Variants in CHRNB4 observed in about 807,000 individuals in gnomAD.
CHRNB4 encodes the protein neuronal acetylcholine receptor subunit beta-4.
Under a neutral mutation model 40.4 loss-of-function variants are expected in CHRNB4, and 23 were observed. That is an observed-to-expected ratio of 0.57 (90% CI 0.41 to 0.81). CHRNB4 has a LOEUF of 0.81. Among genes scored for constraint, CHRNB4 ranks in the 30% least tolerant of loss-of-function variants. CHRNB4 has a pLI of 0.00. For synonymous variants in CHRNB4, 285 were observed against 274.4 expected, an observed-to-expected ratio of 1.04 and a Z score of -0.38; for missense variants, 568 against 670.6, an observed-to-expected ratio of 0.85 and a Z score of 1.69.
chr15:78,630,795 A>G, intron 4 of CHRNB4: 1 of 408,630 alleles, frequency 2.4e-6, no homozygotes, highest in East Asian at 4.6e-5. Context: ...AGTATGGAAC[A>G]CAGAAAGGGT....
chr15:78,643,349 A>G (rs1422732952), upstream of CHRNB4, among the ~76,000 whole-genome samples: 2 of 151,756 alleles, frequency 1.3e-5, no homozygotes, highest in Non-Finnish European at 2.9e-5. Context: ...TCCCAGGCCC[A>G]AGCGATCTTC....
At chr15:78,660,402 C>T (rs567980973) in intron 1 of CHRNB4, 4 of 152,292 alleles carry the variant, frequency 2.6e-5, no homozygotes, top group Admixed American at 6.5e-5. Context: ...GCCAAAAACC[C>T]TCCTGGGCTA....
At chr15:78,637,029 A>T (rs2053965357) in intron 1 of CHRNB4, among the ~76,000 whole-genome samples, 1 of 152,186 alleles carries the variant, frequency 6.6e-6, no homozygotes, top group African/African-American at 2.4e-5. Context: ...GTTCAGACTT[A>T]GACCTACAGA....
intron 1 of CHRNB4, among the ~76,000 whole-genome samples, chr15:78,640,099 A>C (rs1009697895): frequency 7.2e-5 from 11 of 152,174 alleles, no homozygotes; most frequent in African/African-American, 2.6e-4. Context: ...CTGGACACAC[A>C]CTCACAGTTT....
At chr15:78,639,156 T>A (rs1346435741) in intron 1 of CHRNB4, among the ~76,000 whole-genome samples, 2 of 152,232 alleles carry the variant, frequency 1.3e-5, no homozygotes, top group Non-Finnish European at 2.9e-5. Flanking sequence ...TGTTTTGGAA[T>A]ACAAACTACA....
At chr15:78,647,919 C>T (rs562781256) in intron 7 of CHRNB4, among the ~76,000 whole-genome samples, 12 of 143,520 alleles carry the variant, frequency 8.4e-5, no homozygotes, top group Admixed American at 1.4e-4. Flanking sequence ...AAAAACCTTA[C>T]GATAAATCTA....
At chr15:78,649,552 A>AT in intron 6 of CHRNB4, 1 of 321,606 alleles carries the variant, frequency 3.1e-6, no homozygotes, top group South Asian at 2.5e-5. Flanking sequence ...AGCCTAAAAT[A>AT]TCTGCTATAT....
intron 7 of CHRNB4, among the ~76,000 whole-genome samples, chr15:78,647,283 A>G (rs1455197211): frequency 6.6e-6 from 1 of 152,154 alleles, no homozygotes; most frequent in African/African-American, 2.4e-5. Flanking sequence ...TTTGCAATTC[A>G]TATAATCAAA....
At chr15:78,645,401 C>G (rs375268885), upstream of CHRNB4, among the ~76,000 whole-genome samples, 11 of 152,150 alleles carry the variant, frequency 7.2e-5, no homozygotes, top group East Asian at 5.8e-4. Flanking sequence ...TTCTAGGGAC[C>G]TCTGAGTATA....
At chr15:78,633,501 AG>A (rs2053879051) in intron 2 of CHRNB4, among the ~76,000 whole-genome samples, 2 of 152,170 alleles carry the variant, frequency 1.3e-5, no homozygotes, top group Non-Finnish European at 2.9e-5. Context: ...GTGGGAAGGG[AG>A]GAGGGAGAAG....
upstream of CHRNB4, chr15:78,660,778 G>C (rs2054245830): frequency 4.4e-6 from 1 of 227,368 alleles, no homozygotes; most frequent in Admixed American, 5.2e-5. Context: ...CCTGGGCCCA[G>C]GCCCTACTCC....
chr15:78,629,021 T>C lies in CHRNB4; in HGVS notation c.1284A>G (p.Leu428=), dbSNP rs751167863. 2.5e-6 allele frequency: 4 copies of C among 1,613,968 alleles called. No homozygotes were observed. In the Admixed American group the frequency reaches 5.0e-5, roughly 20 times the overall value. ...GCTGGGCGATGAAGCTGACACCTTC[T>C]AATGCCTCCTGCACATCCTGTCGGA... The part of the protein sequence containing the change: ...GRFRQDVQEA[L]EGVSFIAQHM... The change falls in exon 5 of 6, where the codon TTA becomes TTG. Residue 428 remains leucine, a synonymous_variant. Transcript: ENST00000261751. This position sits in a 1 kb window ranked among gnomAD's most constrained non-coding sequence, Gnocchi z 6.8.
intron 6 of CHRNB4, among the ~76,000 whole-genome samples, chr15:78,650,270 G>A (rs893479510): frequency 6.6e-6 from 1 of 152,212 alleles, no homozygotes; most frequent in African/African-American, 2.4e-5. Context: ...AGGCTGCAGT[G>A]GTGCTGGCCA....
intron 5 of CHRNB4, chr15:78,625,899 A>G (rs951943978): frequency 6.6e-6 from 1 of 151,996 alleles, no homozygotes; most frequent in Admixed American, 6.6e-5. Flanking sequence ...GTTGGCAGAG[A>G]CCTGGCTGGC....
At chr15:78,637,498 G>T (rs1174697246) in intron 1 of CHRNB4, among the ~76,000 whole-genome samples, 1 of 152,086 alleles carries the variant, frequency 6.6e-6, no homozygotes, top group African/African-American at 2.4e-5. Flanking sequence ...GGGCCGGAGA[G>T]GTGGGGGCGG....
chr15:78,625,301 G>A lies in CHRNB4; in HGVS notation c.1339-10C>T, dbSNP rs376227572. On this transcript the variant is annotated splice_polypyrimidine_tract_variant and intron_variant, in intron 5 of 5. Coordinates refer to ENST00000261751, the MANE Select transcript of CHRNB4 (RefSeq NM_000750.5). Reference sequence around the variant, plus strand: ...TCCAGTCCTCAACGACCTGCAGGCAGACAGAGGAGTTGGTCACAGGTGCCA... The same window carrying A: ...TCCAGTCCTCAACGACCTGCAGGCAAACAGAGGAGTTGGTCACAGGTGCCA... 5.2e-6 allele frequency: 8 copies of A among 1,528,216 alleles called. No homozygotes were observed. The African/African-American group carries it at 8.3e-5, about 16-fold the overall frequency. The allele number at this position is 1,528,216 out of a possible 1,614,324, so 94.7% of individuals were successfully genotyped here.
intron 7 of CHRNB4, chr15:78,649,302 C>T: frequency 2.4e-6 from 1 of 408,902 alleles, no homozygotes; most frequent in Non-Finnish European, 4.8e-6. Flanking sequence ...TCATAGTCAC[C>T]CTTGTGTAGT....
intron 1 of CHRNB4, 103 bp downstream of exon 1, chr15:78,640,976 C>G (rs899361214): frequency 2.3e-6 from 3 of 1,309,684 alleles, no homozygotes; most frequent in African/African-American, 3.0e-5. Flanking sequence ...TCGGGCCACT[C>G]CCCCGGGCGC....
intron 1 of CHRNB4, among the ~76,000 whole-genome samples, chr15:78,637,854 G>A (rs1006120280): frequency 2.0e-5 from 3 of 152,166 alleles, no homozygotes; most frequent in African/African-American, 7.2e-5. Flanking sequence ...TCCAGAGGGG[G>A]GTCCTATGGA....
Sources: allele counts gnomAD v4.1 joint callset (sites outside exome capture counted in the v4.1 genomes callset), GRCh38; gene constraint gnomAD v4.1.1; non-coding constraint Gnocchi (gnomAD v3.1); transcripts MANE v1.5; gene names NCBI Gene and HGNC (gene_info 2026-07-23, HGNC 2026-07-21).